The following PDE8B variants were observed in gnomAD, a reference collection of about 807,000 sequenced individuals.
PDE8B encodes the protein high affinity cAMP-specific and IBMX-insensitive 3',5'-cyclic phosphodiesterase 8B.
Under a neutral mutation model 101.3 loss-of-function variants are expected in PDE8B, and 26 were observed. That is an observed-to-expected ratio of 0.26 (90% CI 0.19 to 0.36). The LOEUF (loss-of-function observed/expected upper bound fraction) is 0.36, where lower values mean the gene tolerates loss of function less well. PDE8B is among the 10% of genes least tolerant of loss of function. The pLI, the probability that PDE8B is intolerant of heterozygous loss-of-function variation, is 1.00. For missense variants in PDE8B, 810 were observed against 1,163.1 expected, an observed-to-expected ratio of 0.70 and a Z score of 4.42; for synonymous variants, 424 against 429.3, an observed-to-expected ratio of 0.99 and a Z score of 0.15.
chr5:77,290,574 T>C, intron 1 of PDE8B: 1 of 1,500,836 alleles, frequency 6.7e-7, no homozygotes, highest in Non-Finnish European at 9.3e-7. Flanking sequence ...ACTAGGAAGC[T>C]TGGTGTCTTT....
chr5:77,110,629 G>C, the PDE8B span, among the ~76,000 whole-genome samples: 2 of 152,182 alleles, frequency 1.3e-5, no homozygotes, highest in African/African-American at 4.8e-5. Flanking sequence ...ACAAGCTGCA[G>C]CTTTCTAAAG....
intron 1 of PDE8B, among the ~76,000 whole-genome samples, chr5:77,263,341 C>T (rs1292101526): frequency 6.6e-6 from 1 of 152,194 alleles, no homozygotes; most frequent in East Asian, 1.9e-4. Context: ...TTGCAGGGCA[C>T]TTTCTCAGAA....
intron 6 of PDE8B, among the ~76,000 whole-genome samples, chr5:77,340,284 G>T (rs550022050): frequency 2.0e-5 from 3 of 152,312 alleles, no homozygotes; most frequent in African/African-American, 7.2e-5. Flanking sequence ...GCAAAACTCT[G>T]TATTCTGTGG....
the PDE8B span, among the ~76,000 whole-genome samples, chr5:77,097,969 T>C: frequency 6.6e-6 from 1 of 151,216 alleles, no homozygotes; most frequent in Non-Finnish European, 1.5e-5. Context: ...TAGCTACAGG[T>C]AGCTTCTATT....
the PDE8B span, chr5:77,143,861 T>A: frequency 2.9e-5 from 2 of 69,442 alleles, no homozygotes; most frequent in Non-Finnish European, 5.6e-5. Flanking sequence ...CTTGAGGGAT[T>A]TTTTTTTTTT....
At chr5:77,313,130 G>A (rs1773053116) in intron 2 of PDE8B, among the ~76,000 whole-genome samples, 1 of 152,166 alleles carries the variant, frequency 6.6e-6, no homozygotes, top group Non-Finnish European at 1.5e-5. Context: ...ATCTTGCCCT[G>A]TACTTGGGAC....
chr5:77,097,711 A>ATATATATATC, the PDE8B span, among the ~76,000 whole-genome samples: 3 of 35,422 alleles, frequency 8.5e-5, 1 homozygote, highest in Non-Finnish European at 3.1e-4. Context: ...ATATATCTAT[A>ATATATATATC]TATATATATA....
chr5:77,375,885 A>ATTTTTT (rs1554092500), intron 10 of PDE8B, among the ~76,000 whole-genome samples: 4 of 89,862 alleles, frequency 4.5e-5, no homozygotes, highest in South Asian at 7.3e-4. Context: ...TTGTGCCTTG[A>ATTTTTT]TTTCTTTTTT....
At chr5:77,342,620 AAAT>A in intron 6 of PDE8B, among the ~76,000 whole-genome samples, 1 of 152,310 alleles carries the variant, frequency 6.6e-6, no homozygotes, top group Admixed American at 6.5e-5. Flanking sequence ...CAGTCAGTAT[AAAT>A]AACAGAGCTC....
chr5:77,307,408 T>C (rs1395596807), intron 1 of PDE8B, among the ~76,000 whole-genome samples: 1 of 152,128 alleles, frequency 6.6e-6, no homozygotes, highest in East Asian at 1.9e-4. Context: ...AATTCTATAT[T>C]CAGCCAAACT....
chr5:77,343,818 CA>C (rs950299333), intron 6 of PDE8B, among the ~76,000 whole-genome samples: 2 of 142,440 alleles, frequency 1.4e-5, no homozygotes, highest in African/African-American at 2.5e-5. Flanking sequence ...CACAGCTGTA[CA>C]AAAAAAATGT....
At chr5:77,352,423 T>C (rs2150466375) in intron 9 of PDE8B, among the ~76,000 whole-genome samples, 1 of 152,380 alleles carries the variant, frequency 6.6e-6, no homozygotes, top group African/African-American at 2.4e-5. Context: ...GAATACACTT[T>C]TCTGGTCTCT....
chr5:77,175,628 T>A, the PDE8B span, among the ~76,000 whole-genome samples: 20 of 152,208 alleles, frequency 1.3e-4, no homozygotes, highest in Non-Finnish European at 1.9e-4. Context: ...TTGTTAATTG[T>A]CTCTCTTCCT....
chr5:77,197,422 T>G, the PDE8B span, among the ~76,000 whole-genome samples: 1 of 152,166 alleles, frequency 6.6e-6, no homozygotes, highest in South Asian at 2.1e-4. Flanking sequence ...TTGCCCAGCT[T>G]TTTTGTTTAT....
chr5:77,123,387 A>G, the PDE8B span, among the ~76,000 whole-genome samples: 2 of 137,760 alleles, frequency 1.5e-5, no homozygotes, highest in Non-Finnish European at 3.1e-5. Context: ...ATATTGTTAC[A>G]GTGGGGATTA....
rs200042717 is a variant in PDE8B at position 77,418,285 on chromosome 5, C to T, written c.1968C>T (p.Asp656=). 8 of 1,613,890 alleles carry T rather than the reference C, an allele frequency of 5.0e-6. No individual in the cohort carries two copies. Among genetic ancestry groups the T allele is most frequent in the African/African-American group, 2.7e-5 (2 of 75,030 alleles). The change falls in exon 18 of 22, where the codon GAC becomes GAT. Residue 656 remains aspartate (D), a synonymous_variant. Transcript: ENST00000264917. ...VAALIAATVH[D]VDHPGRTNSF... ...CCCTCATTGCTGCCACAGTCCATGA[C>T]GTGGATCACCCGGGAAGGACCAACT... is the stretch of plus-strand genomic sequence containing the variant.
chr5:77,156,293 T>C, the PDE8B span, among the ~76,000 whole-genome samples: 45 of 152,096 alleles, frequency 3.0e-4, no homozygotes, highest in African/African-American at 1.1e-3. Flanking sequence ...ACTATTGTGA[T>C]TTGTTGTTGG....
At chr5:77,316,528 G>A (rs1461594731) in intron 2 of PDE8B, among the ~76,000 whole-genome samples, 3 of 152,020 alleles carry the variant, frequency 2.0e-5, no homozygotes, top group African/African-American at 7.2e-5. Context: ...CACCGTGCCC[G>A]GCCTGAAATT....
intron 10 of PDE8B, among the ~76,000 whole-genome samples, chr5:77,358,941 T>A (rs1782603294): frequency 6.6e-6 from 1 of 152,250 alleles, no homozygotes; most frequent in Non-Finnish European, 1.5e-5. Flanking sequence ...TCCAAATTTT[T>A]CCATTTAGCT....
Sources: allele counts gnomAD v4.1 joint callset (sites outside exome capture counted in the v4.1 genomes callset), GRCh38; gene constraint gnomAD v4.1.1; transcripts MANE v1.5; gene names NCBI Gene and HGNC (gene_info 2026-07-23, HGNC 2026-07-21).